Variants in FNDC3B observed in about 807,000 individuals in gnomAD.
FNDC3B encodes the protein fibronectin type III domain containing 3B, also known as fibronectin type III domain-containing protein 3B.
In FNDC3B, 12 loss-of-function variants were observed where a neutral mutation model predicts 151.5. The observed-to-expected ratio is 0.08, with a 90% CI of 0.05 to 0.13. FNDC3B has a LOEUF of 0.13. FNDC3B is among the 10% of genes least tolerant of loss of function. FNDC3B has a pLI of 1.00. For missense variants in FNDC3B, 1,214 were observed against 1,505.3 expected (o/e 0.81, Z 3.20); for synonymous variants, 528 against 549.0 (o/e 0.96, Z 0.54).
intron 22 of FNDC3B, among the ~76,000 whole-genome samples, chr3:172,356,668 T>C (rs1224083436): frequency 6.6e-6 from 1 of 152,178 alleles, no homozygotes; most frequent in East Asian, 1.9e-4. Context: ...CCAGGAAGCC[T>C]TCTATGAATA....
chr3:172,102,237 A>G (rs1407703763), intron 1 of FNDC3B, among the ~76,000 whole-genome samples: 1 of 152,198 alleles, frequency 6.6e-6, no homozygotes, highest in Non-Finnish European at 1.5e-5. Context: ...TTGTAAATGG[A>G]CAATACCAGC....
chr3:172,225,166 T>A (rs180890960), intron 3 of FNDC3B, among the ~76,000 whole-genome samples: 6 of 152,324 alleles, frequency 3.9e-5, no homozygotes, highest in Non-Finnish European at 8.8e-5. Flanking sequence ...CAATTACTTG[T>A]CTTCTGTTTT....
intron 11 of FNDC3B, chr3:172,316,482 G>C (rs1321859524): frequency 2.2e-6 from 1 of 450,918 alleles, no homozygotes; most frequent in Admixed American, 2.4e-5. Flanking sequence ...CTGTTTTAAT[G>C]TTCCTAAACA....
At chr3:172,248,687 T>A (rs1425281872) in intron 5 of FNDC3B, among the ~76,000 whole-genome samples, 1 of 147,874 alleles carries the variant, frequency 6.8e-6, no homozygotes, top group East Asian at 1.9e-4. Flanking sequence ...ATTATATATA[T>A]ATAATTATAT....
At chr3:172,135,454 C>A (rs1445104956) in intron 3 of FNDC3B, among the ~76,000 whole-genome samples, 1 of 152,154 alleles carries the variant, frequency 6.6e-6, no homozygotes, top group Non-Finnish European at 1.5e-5. Flanking sequence ...AGATAAGTGA[C>A]ACTAACACTC....
intron 3 of FNDC3B, chr3:172,187,258 A>G (rs1724234646): frequency 6.6e-6 from 1 of 152,398 alleles, no homozygotes; most frequent in African/African-American, 2.4e-5. Context: ...TAAACTCTTT[A>G]TTAAAAATAA....
At chr3:172,083,002 G>A (rs1559957926) in intron 1 of FNDC3B, among the ~76,000 whole-genome samples, 2 of 152,152 alleles carry the variant, frequency 1.3e-5, no homozygotes, top group African/African-American at 2.4e-5. Flanking sequence ...AAGTACAAAG[G>A]AAACTAGGCA....
chr3:172,060,169 A>G (rs569044057), intron 1 of FNDC3B, among the ~76,000 whole-genome samples: 7 of 152,338 alleles, frequency 4.6e-5, no homozygotes, highest in African/African-American at 1.7e-4. Flanking sequence ...GACAATTCTC[A>G]AATACTATCT....
At position 172,251,215 on chromosome 3, in the gene FNDC3B, G is replaced by A. The variant is rs557153965; in HGVS notation, c.509-45G>A. ...TTTGACCATTTAATAATTTATTATT[G>A]AAAATGTAAACTGAGTTTGGGTTTA... On this transcript the variant is annotated intron_variant, in intron 5 of 25. Transcript: ENST00000415807. 307 of 1,445,216 alleles carry A rather than the reference G, an allele frequency of 2.1e-4. 1 individual carries two copies. The African/African-American group carries it at 3.9e-3, about 18-fold the overall frequency. The allele number at this position is 1,445,216 out of a possible 1,614,324, so 89.5% of individuals were successfully genotyped here.
intron 1 of FNDC3B, among the ~76,000 whole-genome samples, chr3:172,108,821 A>G (rs1013543494): frequency 6.6e-6 from 1 of 152,200 alleles, no homozygotes; most frequent in Non-Finnish European, 1.5e-5. Context: ...TCATGCTTTT[A>G]TGCTTTTCCT....
intron 2 of FNDC3B, among the ~76,000 whole-genome samples, chr3:172,129,754 G>A (rs1720976335): frequency 6.6e-6 from 1 of 152,178 alleles, no homozygotes; most frequent in East Asian, 1.9e-4. Context: ...GATTTGATTA[G>A]CATGGTTCTT....
chr3:172,371,686 G>A (rs1050033777), intron 23 of FNDC3B, among the ~76,000 whole-genome samples: 3 of 152,156 alleles, frequency 2.0e-5, no homozygotes, highest in South Asian at 2.1e-4. Context: ...CGACGCTATG[G>A]GCAGTGCCTA....
intron 23 of FNDC3B, among the ~76,000 whole-genome samples, chr3:172,368,242 C>T (rs1734723029): frequency 6.9e-6 from 1 of 145,216 alleles, no homozygotes; most frequent in Non-Finnish European, 1.5e-5. Flanking sequence ...TACACTACAG[C>T]TTGGGCAACA....
intron 1 of FNDC3B, among the ~76,000 whole-genome samples, chr3:172,092,703 G>A (rs1483297127): frequency 6.6e-6 from 1 of 152,242 alleles, no homozygotes; most frequent in Admixed American, 6.5e-5. Flanking sequence ...AAAAGAGGAG[G>A]AGAGAATAGC....
Position 172,278,819 on chromosome 3 carries a change from CAG to C in FNDC3B, c.791-7106_791-7105del, listed in dbSNP as rs534796625. ...GCGCACACTCGTAATCCCAGCTACT[CAG>C]GGGGCTGAGGCAGAAAAATCGCTTG... On this transcript the variant is annotated intron_variant, in intron 6 of 25. Coordinates refer to ENST00000415807, the MANE Select transcript of FNDC3B (RefSeq NM_022763.4). Among the ~76,000 whole-genome samples the C allele has an allele frequency of 9.9e-5, 15 of 152,192 alleles. No homozygotes were observed. In the South Asian group the frequency reaches 3.1e-3, roughly 32 times the overall value.
At chr3:172,204,476 A>G (rs956413842) in intron 3 of FNDC3B, among the ~76,000 whole-genome samples, 23 of 152,202 alleles carry the variant, frequency 1.5e-4, no homozygotes, top group Admixed American at 1.2e-3. Flanking sequence ...CTGTGCATGT[A>G]TACATACATG....
At chr3:172,366,382 G>A (rs1198928044) in intron 23 of FNDC3B, among the ~76,000 whole-genome samples, 1 of 152,092 alleles carries the variant, frequency 6.6e-6, no homozygotes, top group Non-Finnish European at 1.5e-5. Flanking sequence ...GGAGCGCTAA[G>A]CATTGAGAGC....
chr3:172,183,766 G>A (rs867215362), intron 3 of FNDC3B, among the ~76,000 whole-genome samples: 2 of 152,030 alleles, frequency 1.3e-5, no homozygotes, highest in East Asian at 1.9e-4. Flanking sequence ...CCTTTCTCAC[G>A]TAGCTTCCCT....
At chr3:172,279,859 A>C (rs956126736) in intron 6 of FNDC3B, among the ~76,000 whole-genome samples, 6 of 152,118 alleles carry the variant, frequency 3.9e-5, no homozygotes, top group Non-Finnish European at 8.8e-5. Flanking sequence ...AAGATGGCCA[A>C]TATTCTTTTT....
Sources: gnomAD v4.1 joint callset for allele counts (sites outside exome capture counted in the v4.1 genomes callset) on GRCh38, gnomAD v4.1.1 for gene constraint, MANE v1.5 for transcripts, NCBI Gene and HGNC (gene_info 2026-07-23, HGNC 2026-07-21) for gene names.